Variants in AXDND1 observed in about 807,000 individuals in gnomAD.
AXDND1 encodes the protein axonemal dynein light chain domain-containing protein 1.
AXDND1 carries 110 observed loss-of-function variants against 137.5 expected under a neutral mutation model. The observed-to-expected ratio is 0.80, with a 90% CI of 0.69 to 0.94. The LOEUF (loss-of-function observed/expected upper bound fraction) is 0.94. AXDND1 is among the 40% of genes least tolerant of loss of function. The pLI, the probability that AXDND1 is intolerant of heterozygous loss-of-function variation, is 0.00. For synonymous variants in AXDND1, 414 were observed against 399.7 expected (o/e 1.04, Z -0.43); for missense variants, 1,191 against 1,169.8 (o/e 1.02, Z -0.26).
chr1:179,425,447 C>G (rs1296114269), intron 12 of AXDND1, among the ~76,000 whole-genome samples: 1 of 152,172 alleles, frequency 6.6e-6, no homozygotes, highest in African/African-American at 2.4e-5. Flanking sequence ...AGCAAAGTTT[C>G]CAGGCCTGGG....
chr1:179,446,957 G>C (rs1659819976), intron 16 of AXDND1, among the ~76,000 whole-genome samples: 1 of 151,942 alleles, frequency 6.6e-6, no homozygotes, highest in Admixed American at 6.6e-5. Flanking sequence ...TATTAATGGG[G>C]TACATGTGAG....
intron 20 of AXDND1, among the ~76,000 whole-genome samples, chr1:179,493,694 A>C (rs748648060): frequency 1.3e-5 from 2 of 152,208 alleles, no homozygotes; most frequent in African/African-American, 4.8e-5. Flanking sequence ...TGTATATTTC[A>C]AAATAGCTAG....
At chr1:179,537,838 G>A (rs1156475885) in intron 25 of AXDND1, among the ~76,000 whole-genome samples, 1 of 152,032 alleles carries the variant, frequency 6.6e-6, no homozygotes, top group African/African-American at 2.4e-5. Flanking sequence ...TTTTTTGGTT[G>A]GTAGGCTATT....
intron 12 of AXDND1, among the ~76,000 whole-genome samples, chr1:179,419,396 G>A (rs960504593): frequency 2.1e-4 from 32 of 150,318 alleles, no homozygotes; most frequent in African/African-American, 6.8e-4. Context: ...CGGATCACTC[G>A]CGGTTAGGAG....
Position 179,445,036 on chromosome 1 carries a change from A to T in AXDND1, c.1630A>T (p.Ile544Phe). ...VLLSKYDTLK[I>F]IKHLQENWAD... ...ACTGTCAAAATACGATACTCTCAAG[A>T]TTATTAAACATTTACAGGAAAACTG... is the stretch of plus-strand genomic sequence containing the variant. Residue 544 changes from isoleucine to phenylalanine, a missense_variant, in exon 16 of 26, where the codon ATT becomes TTT. Physicochemically the swap from Ile to Phe is conservative, Grantham distance 21. Transcript: ENST00000367618. The T allele has an allele frequency of 6.2e-7, 1 of 1,613,462 alleles. No homozygotes were observed. Among genetic ancestry groups the T allele is most frequent in the Non-Finnish European group, 8.5e-7 (1 of 1,179,508 alleles).
rs1456086837 is a variant in AXDND1 at position 179,411,859 on chromosome 1, T to TAA, written c.1230+599_1230+600dup. 7.4e-5 allele frequency among the ~76,000 whole-genome samples: 10 copies of TAA among 134,942 alleles called. No individual in the cohort carries two copies. The South Asian group carries it at 1.3e-3, about 17-fold the overall frequency. 88.5% of individuals were successfully genotyped at this position (134,942 alleles called of 152,430 possible). A position where few individuals can be genotyped will look rare whatever the true frequency, so the allele number is the denominator to read the frequency against. On this transcript the variant is annotated intron_variant, in intron 12 of 25. Transcript: ENST00000367618. The stretch of plus-strand genomic sequence containing the variant: ...TCACACTCTGATTCTCTTTTTTTTT[T>TAA]AAAAAAACAGGGTCTCACTCTGTTG...
chr1:179,520,816 A>G (rs1315737200), intron 21 of AXDND1, among the ~76,000 whole-genome samples: 2 of 149,908 alleles, frequency 1.3e-5, no homozygotes, highest in Non-Finnish European at 3.0e-5. Flanking sequence ...GCTATTTTAA[A>G]TGAGACATTC....
intron 16 of AXDND1, chr1:179,457,349 A>G: frequency 1.9e-6 from 1 of 527,850 alleles, no homozygotes; most frequent in Non-Finnish European, 3.4e-6. Flanking sequence ...CCGGGAGAAG[A>G]GAGACTTTAA....
chr1:179,402,822 C>T (rs996310686), intron 11 of AXDND1, among the ~76,000 whole-genome samples: 1 of 152,192 alleles, frequency 6.6e-6, no homozygotes, highest in Admixed American at 6.5e-5. Flanking sequence ...GCCATTATCA[C>T]TTGTGTCTCA....
intron 9 of AXDND1, among the ~76,000 whole-genome samples, chr1:179,387,397 C>T (rs1254979711): frequency 1.3e-5 from 2 of 152,104 alleles, no homozygotes; most frequent in Non-Finnish European, 2.9e-5. Flanking sequence ...GATAATGACC[C>T]CATTCCTGCA....
rs1186082724 is a variant in AXDND1 at position 179,424,591 on chromosome 1, C to T, written c.1231-4927C>T. On this transcript the variant is annotated intron_variant, in intron 12 of 25. Coordinates refer to ENST00000367618, the MANE Select transcript of AXDND1 (RefSeq NM_144696.6). The stretch of plus-strand genomic sequence containing the variant: ...TACAGGCACGTGCCACCAGGCCTGG[C>T]TAATTTTTTTGTATTTTTAGTAGAA... Among the ~76,000 whole-genome samples, 3 of 151,802 alleles carry T rather than the reference C, an allele frequency of 2.0e-5. No individual in the cohort carries two copies. In the East Asian group the frequency reaches 5.8e-4, roughly 29 times the overall value.
intron 18 of AXDND1, among the ~76,000 whole-genome samples, chr1:179,486,985 A>G (rs1666155778): frequency 6.7e-6 from 1 of 148,582 alleles, no homozygotes; most frequent in Non-Finnish European, 1.5e-5. Context: ...CCTTGAACAT[A>G]AATGGGCTAA....
chr1:179,374,369 T>A (rs1358427868), intron 4 of AXDND1, among the ~76,000 whole-genome samples: 3 of 152,202 alleles, frequency 2.0e-5, no homozygotes, highest in Non-Finnish European at 2.9e-5. Flanking sequence ...GCTTTTACAC[T>A]GTTGGTGGGA....
chr1:179,367,678 A>C (rs1374529100), intron 2 of AXDND1, among the ~76,000 whole-genome samples: 2 of 152,250 alleles, frequency 1.3e-5, no homozygotes, highest in Non-Finnish European at 2.9e-5. Context: ...CAGAGGTTGC[A>C]GTGAGCCAAG....
intron 16 of AXDND1, chr1:179,449,856 A>G (rs1414325131): frequency 6.6e-6 from 1 of 152,064 alleles, no homozygotes; most frequent in African/African-American, 2.4e-5. Flanking sequence ...TTGATCTTAC[A>G]TACTGCCATG....
intron 25 of AXDND1, chr1:179,551,190 C>T: frequency 6.2e-7 from 1 of 1,614,026 alleles, no homozygotes; most frequent in Non-Finnish European, 8.5e-7. Context: ...ATGGGAGAGT[C>T]TTTCTTTTTA....
rs887774746 is a variant in AXDND1, at chr1:179,462,422, T to C, written c.1799-6021T>C. Among the ~76,000 whole-genome samples, 37 of 152,240 alleles carry C rather than the reference T, an allele frequency of 2.4e-4. 1 individual carries two copies. Among genetic ancestry groups the C allele is most frequent in the Non-Finnish European group, 5.0e-4 (34 of 68,044 alleles). ...AGCTTCATCGTGGTGGATAAGCTTT[T>C]TGATGTGCTGCTGGATTCGGTTTGC... On this transcript the variant is annotated intron_variant, in intron 16 of 25. Coordinates refer to ENST00000367618, the MANE Select transcript of AXDND1 (RefSeq NM_144696.6).
At chr1:179,461,442 T>C (rs535676127) in intron 16 of AXDND1, among the ~76,000 whole-genome samples, 3 of 152,224 alleles carry the variant, frequency 2.0e-5, no homozygotes, top group Admixed American at 6.5e-5. Flanking sequence ...CATGCTGTTT[T>C]GGTTACTGTA....
chr1:179,532,036 G>C (rs1460760958), intron 23 of AXDND1, among the ~76,000 whole-genome samples: 1 of 152,210 alleles, frequency 6.6e-6, no homozygotes. Flanking sequence ...TATGGTTGAT[G>C]CATGGGGGAT....
Sources: gnomAD v4.1 joint callset for allele counts (sites outside exome capture counted in the v4.1 genomes callset) on GRCh38, gnomAD v4.1.1 for gene constraint, MANE v1.5 for transcripts, NCBI Gene and HGNC (gene_info 2026-07-23, HGNC 2026-07-21) for gene names.